IMMT: variants seen among roughly 807,000 people sequenced by gnomAD.
IMMT encodes the protein MICOS complex subunit MIC60.
A neutral mutation model predicts 92.7 loss-of-function variants in IMMT; 40 were observed. The ratio of observed to expected loss-of-function variants is 0.43; its 90% CI spans 0.34 to 0.56. The LOEUF (loss-of-function observed/expected upper bound fraction) is 0.56, where lower values mean the gene tolerates loss of function less well. IMMT is among the 20% of genes least tolerant of loss of function. The pLI is 0.03. For synonymous variants in IMMT, 322 were observed against 336.1 expected, an observed-to-expected ratio of 0.96 and a Z score of 0.46; for missense variants, 831 against 912.1, an observed-to-expected ratio of 0.91 and a Z score of 1.14.
intron 4 of IMMT, among the ~76,000 whole-genome samples, chr2:86,171,957 ATATTTTTTT>A (rs1472638253): frequency 1.9e-4 from 25 of 133,504 alleles, no homozygotes; most frequent in African/African-American, 2.0e-4. Flanking sequence ...TGTGTGTAGT[ATATTTTTTT>A]TTTTTTTTTT....
intron 1 of IMMT, among the ~76,000 whole-genome samples, chr2:86,191,899 A>T (rs932988977): frequency 6.6e-6 from 1 of 151,910 alleles, no homozygotes; most frequent in East Asian, 1.9e-4. Flanking sequence ...TGGGTGACAG[A>T]GCAAGACTCC....
intron 3 of IMMT, among the ~76,000 whole-genome samples, chr2:86,174,705 G>A (rs1473268795): frequency 3.3e-5 from 5 of 150,574 alleles, no homozygotes; most frequent in African/African-American, 1.2e-4. Flanking sequence ...ACCAAAATAG[G>A]GTTATATTAT....
chr2:86,190,739 C>T (rs1210423050), intron 1 of IMMT, among the ~76,000 whole-genome samples: 1 of 152,216 alleles, frequency 6.6e-6, no homozygotes, highest in Non-Finnish European at 1.5e-5. Flanking sequence ...CCTGTAATCC[C>T]AGCACTTTGG....
intron 1 of IMMT, among the ~76,000 whole-genome samples, chr2:86,188,005 T>G (rs996081097): frequency 6.6e-6 from 1 of 152,078 alleles, no homozygotes; most frequent in Non-Finnish European, 1.5e-5. Flanking sequence ...TGTATGAGGG[T>G]TCCAATTTCT....
chr2:86,184,469 T>C lies in IMMT; in HGVS notation c.46-3097A>G, dbSNP rs572291539. Among the ~76,000 whole-genome samples, 13 of 152,236 alleles carry C rather than the reference T, an allele frequency of 8.5e-5. No homozygotes were observed. The East Asian group carries it at 1.7e-3, about 20-fold the overall frequency. ...GAGTAATTTTTATTTACATAATTTA[T>C]ATATTAATACGTTTGTTATTGTTAA... On this transcript the variant is annotated intron_variant, in intron 1 of 14. Transcript: ENST00000410111.
chr2:86,181,183 G>GT (rs1672409820), intron 2 of IMMT, 116 bp downstream of exon 2: 1 of 691,626 alleles, frequency 1.4e-6, no homozygotes, highest in African/African-American at 1.8e-5. Flanking sequence ...AAGCTTCGGT[G>GT]TATGTACCCC....
At chr2:86,148,699 A>G (rs1675235966) in intron 12 of IMMT, among the ~76,000 whole-genome samples, 1 of 152,194 alleles carries the variant, frequency 6.6e-6, no homozygotes, top group Admixed American at 6.5e-5. Flanking sequence ...AAAACTGCTT[A>G]TTTTTAAATG....
At position 86,187,709 on chromosome 2, in the gene IMMT, G is replaced by A. The variant is rs535208867; in HGVS notation, c.46-6337C>T. The stretch of plus-strand genomic sequence containing the variant: ...GCAGATCACCTGAGGTTGGGAATTC[G>A]AGACCAGCCTGACCAACATGGAGAA... On this transcript the variant is annotated intron_variant, in intron 1 of 14. Coordinates refer to ENST00000410111, the MANE Select transcript of IMMT (RefSeq NM_006839.3). 3.9e-3 allele frequency among the ~76,000 whole-genome samples: 591 copies of A among 152,064 alleles called. 1 individual carries two copies. The highest frequency in any genetic ancestry group is 6.8e-3 in the Non-Finnish European group (459 of 67,986).
At chr2:86,173,111 G>T (rs1035033779) in intron 4 of IMMT, among the ~76,000 whole-genome samples, 1 of 152,174 alleles carries the variant, frequency 6.6e-6, no homozygotes, top group Non-Finnish European at 1.5e-5. Flanking sequence ...ATTTAATCAA[G>T]GACAGACACA....
chr2:86,179,705 G>A, intron 2 of IMMT, 83 bp from the exon 3 acceptor site: 7 of 1,163,584 alleles, frequency 6.0e-6, no homozygotes, highest in Non-Finnish European at 7.1e-6. Context: ...CCATCTCGAA[G>A]ACCTCTAGCC....
chr2:86,161,662 CGCCA>C (rs1251590995), intron 8 of IMMT, among the ~76,000 whole-genome samples: 2 of 151,124 alleles, frequency 1.3e-5, no homozygotes, highest in Non-Finnish European at 2.9e-5. Context: ...TACAGGCGCC[CGCCA>C]CCACGCCCAG....
At chr2:86,187,524 T>C (rs1410975330) in intron 1 of IMMT, among the ~76,000 whole-genome samples, 1 of 152,228 alleles carries the variant, frequency 6.6e-6, no homozygotes, top group Non-Finnish European at 1.5e-5. Flanking sequence ...ATAATGTTGC[T>C]ATGAATATTC....
intron 1 of IMMT, among the ~76,000 whole-genome samples, chr2:86,191,460 G>A (rs1198694076): frequency 2.0e-5 from 3 of 151,994 alleles, no homozygotes; most frequent in Admixed American, 2.0e-4. Flanking sequence ...CCTCCAGACT[G>A]AAACTGCACC....
intron 13 of IMMT, 88 bp downstream of exon 13, chr2:86,147,614 G>T: frequency 7.6e-7 from 1 of 1,313,918 alleles, no homozygotes; most frequent in Non-Finnish European, 1.0e-6. Flanking sequence ...CCAAATCTTC[G>T]ACATCCTCAG....
At chr2:86,184,733 A>C (rs988897502) in intron 1 of IMMT, among the ~76,000 whole-genome samples, 2 of 151,180 alleles carry the variant, frequency 1.3e-5, no homozygotes, top group East Asian at 3.9e-4. Flanking sequence ...GGGCTTAAAG[A>C]AAAGCAAAAA....
chr2:86,146,640 G>A (rs1675036299), intron 13 of IMMT, among the ~76,000 whole-genome samples: 1 of 152,196 alleles, frequency 6.6e-6, no homozygotes, highest in Admixed American at 6.5e-5. Flanking sequence ...TGGGATTACA[G>A]GCGTGAGCCA....
At chr2:86,148,988 G>C (rs935013032) in intron 12 of IMMT, among the ~76,000 whole-genome samples, 3 of 152,198 alleles carry the variant, frequency 2.0e-5, no homozygotes, top group African/African-American at 7.2e-5. Flanking sequence ...TATCTCAATG[G>C]AGGCAGCAGA....
intron 10 of IMMT, among the ~76,000 whole-genome samples, chr2:86,156,593 CA>C (rs57252871): frequency 0.012 from 520 of 44,662 alleles, 1 homozygote; most frequent in Middle Eastern, 0.043. Flanking sequence ...GACTCCATCT[CA>C]AAAAAAAAAA....
intron 8 of IMMT, 123 bp from the exon 9 acceptor site, chr2:86,159,794 C>G (rs542128438): frequency 1.3e-6 from 1 of 765,804 alleles, no homozygotes; most frequent in South Asian, 3.2e-5. Context: ...GTGGCTGATA[C>G]CTGTAATCCC....
Sources: allele counts gnomAD v4.1 joint callset (sites outside exome capture counted in the v4.1 genomes callset), GRCh38; gene constraint gnomAD v4.1.1; transcripts MANE v1.5; gene names NCBI Gene and HGNC (gene_info 2026-07-23, HGNC 2026-07-21).